GHSR: variants seen among roughly 807,000 people sequenced by gnomAD.
GHSR encodes growth hormone secretagogue receptor type 1.
GHSR carries 17 observed loss-of-function variants against 24.0 expected under a neutral mutation model. The ratio of observed to expected loss-of-function variants is 0.71; its 90% confidence interval spans 0.49 to 1.06. The LOEUF is 1.06. Among genes scored for constraint, GHSR ranks in the 50% least tolerant of loss-of-function variants. The pLI is 0.00. For missense variants in GHSR, 504 were observed against 483.1 expected, an observed-to-expected ratio of 1.04 and a Z score of -0.41; for synonymous variants, 238 against 208.1, an observed-to-expected ratio of 1.14 and a Z score of -1.24.
Position 172,445,523 on chromosome 3 carries a change from T to A in GHSR, c.797-58A>T, listed in dbSNP as rs200268214. 2.0e-6 allele frequency: 3 copies of A among 1,522,818 alleles called. No individual in the cohort carries two copies. In the East Asian group the frequency reaches 7.1e-5, roughly 36 times the overall value. The allele number at this position is 1,522,818 out of a possible 1,614,324, so 94.3% of individuals were successfully genotyped here. A position where few individuals can be genotyped will look rare whatever the true frequency, so the allele number is the denominator to read the frequency against. ...CAAGAAATGTCACAGCAAATCACAT[T>A]CTATTTTTAAGACTTTGTTTTTGTT... is the stretch of plus-strand genomic sequence containing the variant. On this transcript the variant is annotated intron_variant, in intron 1 of 1. Transcript: ENST00000241256.
rs1310244115 is a variant in GHSR at position 172,444,086 on chromosome 3, G to A, written c.*1075C>T. Among the ~76,000 whole-genome samples, 1 of 152,108 alleles carries A rather than the reference G, an allele frequency of 6.6e-6. No homozygotes were observed. Among genetic ancestry groups the A allele is most frequent in the East Asian group, 1.9e-4 (1 of 5,196 alleles). On this transcript the variant is annotated 3_prime_UTR_variant, in exon 2 of 2. Transcript: ENST00000241256. Reference sequence around the variant, plus strand: ...TGTTAAGCCATATGAGGCAGTTTGTGATTACCCATAATTGTTTTAAAAAGT... The same window carrying A: ...TGTTAAGCCATATGAGGCAGTTTGTAATTACCCATAATTGTTTTAAAAAGT...
chr3:172,447,218 T>C (rs1737484094), intron 1 of GHSR, among the ~76,000 whole-genome samples: 1 of 152,214 alleles, frequency 6.6e-6, no homozygotes, highest in Admixed American at 6.5e-5. Flanking sequence ...AATGGACTTT[T>C]ATAAGATATC....
chr3:172,444,992 A>G lies in GHSR; in HGVS notation c.*169T>C. ...TGAGAGCACTGATAATTGTGCGATC[A>G]AATCAAACTGCTCACACCCTACAAA... On this transcript the variant is annotated 3_prime_UTR_variant, in exon 2 of 2. Coordinates refer to ENST00000241256, the MANE Select transcript of GHSR (RefSeq NM_198407.2). 1 of 740,180 alleles carries G rather than the reference A, an allele frequency of 1.4e-6. No individual in the cohort carries two copies. Among genetic ancestry groups the G allele is most frequent in the South Asian group, 1.7e-5 (1 of 60,160 alleles). The allele number at this position is 740,180 out of a possible 1,614,324, so 45.9% of individuals were successfully genotyped here.
At position 172,448,161 on chromosome 3, in the gene GHSR, T is replaced by C. The variant is rs1328856130; in HGVS notation, c.253A>G (p.Met85Val). 1.9e-6 allele frequency: 3 copies of C among 1,614,194 alleles called. No homozygotes were observed. The highest frequency in any genetic ancestry group is 1.7e-5 in the Admixed American group (1 of 60,026). ...AAGATGAGCAGATCGGAGAAGGCCA[T>C]GCTGGACAGGTAGAGGTTGGTGGTG... ...RTTTNLYLSSMAFSDLLIFLC... is the reference protein window; with the variant it reads ...RTTTNLYLSSVAFSDLLIFLC... Residue 85 changes from methionine (M) to valine (V), a missense_variant, in exon 1 of 2, where the codon ATG becomes GTG. Coordinates refer to ENST00000241256, the MANE Select transcript of GHSR (RefSeq NM_198407.2). The surrounding 1 kb of genome is among the most constrained non-coding windows in gnomAD (Gnocchi z 4.8).
rs1462206583 is a variant in GHSR at position 172,447,693 on chromosome 3, G to T, written c.721C>A (p.Arg241=). ...ACGACAGCATCGCCGCGCCTCCTCC[G>T]CCACAGCTTCCTGCCGATGAGACTG... The part of the protein sequence containing the change: ...LYSLIGRKLW[R]RRRGDAVVGA... Residue 241 remains arginine (R), a synonymous_variant, in exon 1 of 2, where the codon CGG becomes AGG. Coordinates refer to ENST00000241256, the MANE Select transcript of GHSR (RefSeq NM_198407.2). 6.2e-7 allele frequency: 1 copy of T among 1,614,038 alleles called. No individual in the cohort carries two copies. The highest frequency in any genetic ancestry group is 8.5e-7 in the Non-Finnish European group (1 of 1,180,018).
In GHSR at chr3:172,448,150, G is replaced by A. The variant is rs1235450889; in HGVS notation, c.264C>T (p.Ser88=). The A allele has an allele frequency of 1.1e-5, 18 of 1,614,128 alleles. No homozygotes were observed. The highest frequency in any genetic ancestry group is 2.7e-5 in the African/African-American group (2 of 74,946). Residue 88 remains serine, a synonymous_variant, in exon 1 of 2, where the codon TCC becomes TCT. Coordinates refer to ENST00000241256, the MANE Select transcript of GHSR (RefSeq NM_198407.2). This position sits in a 1 kb window ranked among gnomAD's most constrained non-coding sequence, Gnocchi z 4.8. ...GCATGCAGAGGAAGATGAGCAGATC[G>A]GAGAAGGCCATGCTGGACAGGTAGA... ...TNLYLSSMAF[S]DLLIFLCMPL... is the part of the protein sequence containing the mutation.
intron 1 of GHSR, among the ~76,000 whole-genome samples, chr3:172,446,176 T>G (rs574495139): frequency 6.6e-6 from 1 of 152,342 alleles, no homozygotes; most frequent in South Asian, 2.1e-4. Flanking sequence ...AACAAATAAT[T>G]TTTTAGTCGT....
At chr3:172,446,191 A>G (rs1007240944) in intron 1 of GHSR, among the ~76,000 whole-genome samples, 17 of 152,242 alleles carry the variant, frequency 1.1e-4, no homozygotes, top group African/African-American at 4.1e-4. Context: ...AGTCGTTGTA[A>G]CACTTTAGTG....
In GHSR at chr3:172,448,449, C is replaced by T; in HGVS notation, c.-36G>A. On this transcript the variant is annotated 5_prime_UTR_variant, in exon 1 of 2. Coordinates refer to ENST00000241256, the MANE Select transcript of GHSR (RefSeq NM_198407.2). This position sits in a 1 kb window ranked among gnomAD's most constrained non-coding sequence, Gnocchi z 4.8. ...CAGCTGAACAGGCTCTGGGACGTGA[C>T]TGCGCTGGGAGGCTGGACCGAGCTG... 6.4e-7 allele frequency: 1 copy of T among 1,567,712 alleles called. No individual in the cohort carries two copies. Among genetic ancestry groups the T allele is most frequent in the Non-Finnish European group, 8.6e-7 (1 of 1,165,110 alleles).
chr3:172,447,180 G>C (rs1037970514), intron 1 of GHSR, among the ~76,000 whole-genome samples: 2 of 152,226 alleles, frequency 1.3e-5, no homozygotes, highest in African/African-American at 2.4e-5. Context: ...CAGGAAGTCA[G>C]TCCTCACTTT....
At chr3:172,447,556 G>A (rs776748540) in intron 1 of GHSR, 62 bp downstream of exon 1, 3 of 1,597,196 alleles carry the variant, frequency 1.9e-6, no homozygotes, top group South Asian at 2.2e-5. Flanking sequence ...AGAGAGAAGG[G>A]AGAAGGCACA....
intron 1 of GHSR, 117 bp downstream of exon 1, chr3:172,447,501 T>G (rs752429718): frequency 1.9e-5 from 29 of 1,525,266 alleles, no homozygotes; most frequent in Middle Eastern, 3.5e-4. Flanking sequence ...CCAGAGAAAC[T>G]GAAGAAAGAG....
rs1388940986 is a variant in GHSR, at chr3:172,443,808, G to A, written c.*1353C>T. Among the ~76,000 whole-genome samples the A allele has an allele frequency of 6.6e-6, 1 of 152,102 alleles. No homozygotes were observed. The highest frequency in any genetic ancestry group is 1.5e-5 in the Non-Finnish European group (1 of 67,986). ...ATCATATCTATCAGATAAGCAATGG[G>A]ATATAAGCAGCAAAACTAATTTGGA... On this transcript the variant is annotated 3_prime_UTR_variant, in exon 2 of 2. Coordinates refer to ENST00000241256, the MANE Select transcript of GHSR (RefSeq NM_198407.2).
rs1450548821 is a variant in GHSR, at chr3:172,445,107, C to G, written c.*54G>C. ...CAGCTTCCTCCCAAGTTCTGCTGTGCTATGTCTTCCGGTTTAGAGTAATAA... is the reference window on the plus strand; with the variant it reads ...CAGCTTCCTCCCAAGTTCTGCTGTGGTATGTCTTCCGGTTTAGAGTAATAA... On this transcript the variant is annotated 3_prime_UTR_variant, in exon 2 of 2. Coordinates refer to ENST00000241256, the MANE Select transcript of GHSR (RefSeq NM_198407.2). 6 of 1,592,660 alleles carry G rather than the reference C, an allele frequency of 3.8e-6. No homozygotes were observed. The highest frequency in any genetic ancestry group is 1.3e-5 in the African/African-American group (1 of 74,438).
chr3:172,448,206 G>A lies in GHSR; in HGVS notation c.208C>T (p.Arg70Cys). 1 of 1,614,136 alleles carries A rather than the reference G, an allele frequency of 6.2e-7. No homozygotes were observed. The change falls in exon 1 of 2, where the codon CGC becomes TGC. Residue 70 changes from arginine to cysteine, a missense_variant. By Grantham distance (180) the Arg-to-Cys change is radical. Coordinates refer to ENST00000241256, the MANE Select transcript of GHSR (RefSeq NM_198407.2). The surrounding 1 kb of genome is among the most constrained non-coding windows in gnomAD (Gnocchi z 4.8). The stretch of plus-strand genomic sequence containing the variant: ...GTGGTGGTGCGCAGCTCGCGGAAGC[G>A]CGACACCACCAGCATGGTGAGCAGG... ...GNLLTMLVVS[R>C]FRELRTTTNL...
intron 1 of GHSR, among the ~76,000 whole-genome samples, chr3:172,445,822 G>T (rs1161080718): frequency 6.6e-6 from 1 of 152,196 alleles, no homozygotes; most frequent in African/African-American, 2.4e-5. Flanking sequence ...CTCAACCATA[G>T]CTGTGTATCC....
chr3:172,445,421 C>T lies in GHSR; in HGVS notation c.841G>A (p.Val281Ile), dbSNP rs371555411. The T allele has an allele frequency of 1.8e-5, 29 of 1,613,656 alleles. No homozygotes were observed. The highest frequency in any genetic ancestry group is 6.7e-5 in the East Asian group (3 of 44,898). Residue 281 changes from valine (V) to isoleucine (I), a missense_variant, in exon 2 of 2, where the codon GTA (valine) becomes ATA (isoleucine). Val to Ile is a conservative substitution (Grantham distance 29). Coordinates refer to ENST00000241256, the MANE Select transcript of GHSR (RefSeq NM_198407.2). ...GATTTGGAAAATAAATATCGCCCTACGTGGAAGGGGAGCCAGCAGAGGATG... is the reference window on the plus strand; with the variant it reads ...GATTTGGAAAATAAATATCGCCCTATGTGGAAGGGGAGCCAGCAGAGGATG... ...AFILCWLPFH[V>I]GRYLFSKSFE... is the part of the protein sequence containing the mutation.
Position 172,448,210 on chromosome 3 carries a change from C to T in GHSR, c.204G>A (p.Val68=), listed in dbSNP as rs201379528. The T allele has an allele frequency of 3.2e-5, 51 of 1,614,008 alleles. No individual in the cohort carries two copies. The highest frequency in any genetic ancestry group is 4.2e-5 in the Non-Finnish European group (49 of 1,180,038). ...TGGTGCGCAGCTCGCGGAAGCGCGA[C>T]ACCACCAGCATGGTGAGCAGGTTGC... is the stretch of plus-strand genomic sequence containing the variant. ...IAGNLLTMLV[V]SRFRELRTTT... The change falls in exon 1 of 2, where the codon GTG becomes GTA. Residue 68 remains valine (V), a synonymous_variant. Transcript: ENST00000241256. This position sits in a 1 kb window ranked among gnomAD's most constrained non-coding sequence, Gnocchi z 4.8.
Position 172,447,922 on chromosome 3 carries a change from G to A in GHSR, c.492C>T (p.Ile164=). 1 of 1,612,740 alleles carries A rather than the reference G, an allele frequency of 6.2e-7. No individual in the cohort carries two copies. The highest frequency in any genetic ancestry group is 8.5e-7 in the Non-Finnish European group (1 of 1,178,806). The change falls in exon 1 of 2, where the codon ATC becomes ATT. Residue 164 remains isoleucine, a synonymous_variant. Transcript: ENST00000241256. Reference sequence around the variant, plus strand: ...AGAAGGCCACGGCCCAGATGACGAAGATGACCAGCTTCACCCGCCCCTTGG... The same window carrying A: ...AGAAGGCCACGGCCCAGATGACGAAAATGACCAGCTTCACCCGCCCCTTGG... The part of the protein sequence containing the change: ...VVTKGRVKLV[I]FVIWAVAFCS...
Sources: gnomAD v4.1 joint callset for allele counts (sites outside exome capture counted in the v4.1 genomes callset) on GRCh38, gnomAD v4.1.1 for gene constraint, Gnocchi (gnomAD v3.1) non-coding constraint, MANE v1.5 for transcripts, NCBI Gene and HGNC (gene_info 2026-07-23, HGNC 2026-07-21) for gene names.